Variants in OTOF observed in about 807,000 individuals in gnomAD.
OTOF encodes the protein fer-1-like family member 2.
Under a neutral mutation model 236.8 loss-of-function variants are expected in OTOF, and 218 were observed. The ratio of observed to expected loss-of-function variants is 0.92; its 90% confidence interval spans 0.82 to 1.03. OTOF has a LOEUF of 1.03. OTOF is among the 50% of genes least tolerant of loss of function. The probability of loss-of-function intolerance (pLI) is 0.00; values close to 1 mark genes in which losing one functional copy is unlikely to be tolerated. For missense variants in OTOF, 2,590 were observed against 2,694.4 expected (o/e 0.96, Z 0.86); for synonymous variants, 1,041 against 1,072.5 (o/e 0.97, Z 0.57).
chr2:26,467,450 T>C lies in OTOF; in HGVS notation c.4142A>G (p.Glu1381Gly). The C allele has an allele frequency of 6.2e-7, 1 of 1,613,982 alleles. No individual in the cohort carries two copies. The highest frequency in any genetic ancestry group is 8.5e-7 in the Non-Finnish European group (1 of 1,180,000). The change falls in exon 34 of 47, where the codon GAG (glutamate) becomes GGG (glycine). Residue 1381 changes from glutamate to glycine, a missense_variant. By Grantham distance (98) the Glu-to-Gly change is moderately conservative (BLOSUM62 -2). Transcript: ENST00000272371. ...AGAGCTCTGAGTTTTCTTCTTCTTC[T>C]CCTCTTTGGCAGCCCTTGCCTTCTC... is the stretch of plus-strand genomic sequence containing the variant. ...GKEKARAAKE[E>G]KKKKTQSSGS...
chr2:26,470,649 C>T lies in OTOF; in HGVS notation c.3967G>A (p.Glu1323Lys), dbSNP rs546115388. The change falls in exon 32 of 47, where the codon GAG becomes AAG. Residue 1323 changes from glutamate (E) to lysine (K), a missense_variant. Transcript: ENST00000272371. The surrounding 1 kb of genome is among the most constrained non-coding windows in gnomAD (Gnocchi z 4.3). Reference protein sequence around the residue: ...AEEPEEEEPDESMLDWWSKYF... With the variant: ...AEEPEEEEPDKSMLDWWSKYF... ...TTGGACCACCAGTCCAGCATGCTCTCGTCTGGCTCCTCCTCCTCTGGCTCC... is the reference window on the plus strand; with the variant it reads ...TTGGACCACCAGTCCAGCATGCTCTTGTCTGGCTCCTCCTCCTCTGGCTCC... 1.4e-5 allele frequency: 23 copies of T among 1,614,026 alleles called. No individual in the cohort carries two copies. The highest frequency in any genetic ancestry group is 5.5e-5 in the South Asian group (5 of 91,094).
intron 2 of OTOF, among the ~76,000 whole-genome samples, chr2:26,532,113 A>AAAAAAAAAAAC (rs1666964843): frequency 7.0e-6 from 1 of 142,254 alleles, no homozygotes; most frequent in African/African-American, 2.5e-5. Flanking sequence ...AAAAAAAAAA[A>AAAAAAAAAAAC]AAGACTGAAG....
chr2:26,558,380 C>A (rs1572506994), intron 1 of OTOF, 113 bp downstream of exon 1: 2 of 940,118 alleles, frequency 2.1e-6, no homozygotes, highest in Admixed American at 1.7e-5. Flanking sequence ...CCAGCCCCTG[C>A]TAGAACTTTT....
rs759301401 is a variant in OTOF at position 26,460,715 on chromosome 2, T to C, written c.5745A>G (p.Thr1915=). ...GKVEAELHLL[T]AEEAEKNPVG... is the part of the protein sequence containing the mutation. ...CTGGGTTCTTCTCTGCCTCCTCTGC[T>C]GTCAGTAAATGCAGCTCAGCCTCCA... is the stretch of plus-strand genomic sequence containing the variant. Residue 1915 remains threonine, a synonymous_variant, in exon 45 of 47, where the codon ACA becomes ACG. Coordinates refer to ENST00000272371, the MANE Select transcript of OTOF (RefSeq NM_194248.3). The surrounding 1 kb of genome is among the most constrained non-coding windows in gnomAD (Gnocchi z 5.3). The C allele has an allele frequency of 1.2e-6, 2 of 1,614,042 alleles. No homozygotes were observed. The highest frequency in any genetic ancestry group is 1.7e-6 in the Non-Finnish European group (2 of 1,179,984).
chr2:26,491,783 G>A (rs1665847234), intron 9 of OTOF, among the ~76,000 whole-genome samples: 1 of 152,248 alleles, frequency 6.6e-6, no homozygotes, highest in Admixed American at 6.5e-5. Context: ...GGCAGGCTCA[G>A]GGCCAGGCAG....
At position 26,460,825 on chromosome 2, in the gene OTOF, A is replaced by G; in HGVS notation, c.5712+27T>C. On this transcript the variant is annotated intron_variant, in intron 44 of 46. Coordinates refer to ENST00000272371, the MANE Select transcript of OTOF (RefSeq NM_194248.3). This position sits in a 1 kb window ranked among gnomAD's most constrained non-coding sequence, Gnocchi z 5.3. Reference sequence around the variant, plus strand: ...ACCCCAGCCAGTCCCAGCCCTGCCTACTGCCCGAGCAGGAAGGGGTGCGCA... The same window carrying G: ...ACCCCAGCCAGTCCCAGCCCTGCCTGCTGCCCGAGCAGGAAGGGGTGCGCA... 6.2e-7 allele frequency: 1 copy of G among 1,613,738 alleles called. No homozygotes were observed.
chr2:26,503,178 G>A (rs114182873), intron 6 of OTOF, among the ~76,000 whole-genome samples: 2,120 of 152,314 alleles, frequency 0.014, 46 homozygotes, highest in African/African-American at 0.048. Flanking sequence ...GGAGAAGATG[G>A]CCCCCTCCCA....
Position 26,462,011 on chromosome 2 carries a change from C to T in OTOF, c.5291+72G>A. On this transcript the variant is annotated intron_variant, in intron 42 of 46. Transcript: ENST00000272371. The surrounding 1 kb of genome is among the most constrained non-coding windows in gnomAD (Gnocchi z 4.7). ...CCCACCCACAGCCACCTTCCCTCTG[C>T]CTCCTCTCCTGCCCCCCGGGAAGCA... is the stretch of plus-strand genomic sequence containing the variant. 1 of 1,612,968 alleles carries T rather than the reference C, an allele frequency of 6.2e-7. No individual in the cohort carries two copies. The highest frequency in any genetic ancestry group is 1.7e-5 in the Admixed American group (1 of 60,018).
At chr2:26,483,669 G>A in intron 12 of OTOF, 21 bp from the exon 13 acceptor site, 1 of 1,609,504 alleles carries the variant, frequency 6.2e-7, no homozygotes, top group Non-Finnish European at 8.5e-7. Flanking sequence ...ATACAGCCAG[G>A]GCCATGGTCA....
In OTOF at chr2:26,463,557, C is replaced by G. The variant is rs1382096662; in HGVS notation, c.5118G>C (p.Leu1706=). Residue 1706 remains leucine (L), a synonymous_variant, in exon 41 of 47, where the codon CTG becomes CTC. Transcript: ENST00000272371. The part of the protein sequence containing the change: ...KPGIEQGRLE[L]WVDMFPMDMP... Reference sequence around the variant, plus strand: ...TGTCCATGGGGAACATGTCCACCCACAGCTCCAGGCGGCCCTGAGGAAGAG... The same window carrying G: ...TGTCCATGGGGAACATGTCCACCCAGAGCTCCAGGCGGCCCTGAGGAAGAG... The G allele has an allele frequency of 6.2e-7, 1 of 1,605,140 alleles. No individual in the cohort carries two copies.
intron 1 of OTOF, among the ~76,000 whole-genome samples, chr2:26,542,984 G>A (rs1667243846): frequency 6.6e-6 from 1 of 152,150 alleles, no homozygotes; most frequent in Admixed American, 6.5e-5. Flanking sequence ...TCAGACCTGG[G>A]GCTGCTATTT....
At chr2:26,466,633 G>A in intron 36 of OTOF, 81 bp downstream of exon 36, 1 of 1,530,388 alleles carries the variant, frequency 6.5e-7, no homozygotes, top group Non-Finnish European at 9.0e-7. Context: ...CATTGCACCT[G>A]GCCAGTATGC....
chr2:26,479,237 C>G, intron 18 of OTOF, 27 bp downstream of exon 18: 1 of 1,611,496 alleles, frequency 6.2e-7, no homozygotes, highest in Middle Eastern at 1.7e-4. Context: ...GGACCCCACC[C>G]CTGCTGGCCC....
intron 5 of OTOF, among the ~76,000 whole-genome samples, chr2:26,508,576 C>A (rs933906987): frequency 6.6e-6 from 1 of 152,198 alleles, no homozygotes; most frequent in African/African-American, 2.4e-5. Flanking sequence ...TTGCTGGCGG[C>A]CCAGCCCTTT....
In OTOF at chr2:26,484,704, C is replaced by T. The variant is rs1665659567; in HGVS notation, c.1046-71G>A. On this transcript the variant is annotated intron_variant, in intron 11 of 46. Coordinates refer to ENST00000272371, the MANE Select transcript of OTOF (RefSeq NM_194248.3). ...AGCGTCTCCCAGTGCTCAGGGCAGGCCAAGGGGTGGCAGAACCAAATGCTG... is the reference window on the plus strand; with the variant it reads ...AGCGTCTCCCAGTGCTCAGGGCAGGTCAAGGGGTGGCAGAACCAAATGCTG... 1.5e-5 allele frequency: 23 copies of T among 1,539,648 alleles called. No individual in the cohort carries two copies. The Admixed American group carries it at 3.9e-4, about 26-fold the overall frequency.
intron 1 of OTOF, among the ~76,000 whole-genome samples, chr2:26,549,509 C>T (rs1295591629): frequency 1.3e-5 from 2 of 152,256 alleles, no homozygotes; most frequent in Admixed American, 6.5e-5. Flanking sequence ...GGGCCTCCCA[C>T]TGGAAAAGGT....
At position 26,475,508 on chromosome 2, in the gene OTOF, G is replaced by A; in HGVS notation, c.2992-15C>T. 3 of 1,611,074 alleles carry A rather than the reference G, an allele frequency of 1.9e-6. No individual in the cohort carries two copies. Among genetic ancestry groups the A allele is most frequent in the South Asian group, 1.1e-5 (1 of 91,036 alleles). The stretch of plus-strand genomic sequence containing the variant: ...TCATTCAGCACCTGCAGCATGGGAT[G>A]GGGAGACAGGGGACAAGTGACAGAG... On this transcript the variant is annotated splice_polypyrimidine_tract_variant and intron_variant, in intron 24 of 46. Transcript: ENST00000272371.
At chr2:26,465,115 G>A in intron 38 of OTOF, 86 bp from the exon 39 acceptor site, 3 of 1,235,810 alleles carry the variant, frequency 2.4e-6, no homozygotes, top group Non-Finnish European at 3.3e-6. Context: ...GTTCTCTAAA[G>A]TTGGCTGTTG....
At chr2:26,480,062 G>A in intron 16 of OTOF, 141 bp downstream of exon 16, 1 of 691,288 alleles carries the variant, frequency 1.4e-6, no homozygotes, top group South Asian at 1.5e-5. Flanking sequence ...CCTCTCAGGG[G>A]AAAGGGGTCA....
Sources: gnomAD v4.1 joint callset for allele counts (sites outside exome capture counted in the v4.1 genomes callset) on GRCh38, gnomAD v4.1.1 for gene constraint, Gnocchi (gnomAD v3.1) non-coding constraint, MANE v1.5 for transcripts, NCBI Gene and HGNC (gene_info 2026-07-23, HGNC 2026-07-21) for gene names.